RBM48: variants seen among roughly 807,000 people sequenced by gnomAD.
RBM48 encodes the protein RNA binding motif protein 48.
In RBM48, 32 loss-of-function variants were observed where a neutral mutation model predicts 34.8. That is an observed-to-expected ratio of 0.92 (90% confidence interval 0.69 to 1.23). RBM48 has a LOEUF of 1.23. Among genes scored for constraint, RBM48 ranks in the 50% most tolerant of loss-of-function variants. The pLI is 0.00. For synonymous variants in RBM48, 151 were observed against 156.2 expected, an observed-to-expected ratio of 0.97 and a Z score of 0.25; for missense variants, 441 against 447.2, an observed-to-expected ratio of 0.99 and a Z score of 0.12.
rs896919914 is a variant in RBM48, at chr7:92,540,013, A to G, written c.*3076A>G. On this transcript the variant is annotated 3_prime_UTR_variant, in exon 5 of 5. Coordinates refer to ENST00000265732, the MANE Select transcript of RBM48 (RefSeq NM_032120.4). ...CTGGATTTGGTTTGGGAAATACACC[A>G]TACTTACAGGAAACAGGAATTGTCT... 4.6e-5 allele frequency among the ~76,000 whole-genome samples: 7 copies of G among 152,254 alleles called. No homozygotes were observed. The highest frequency in any genetic ancestry group is 3.8e-4 in the East Asian group (2 of 5,208).
At chr7:92,536,781 C>A (rs1341148116) in intron 4 of RBM48, 70 bp from the exon 5 acceptor site, 4 of 1,493,074 alleles carry the variant, frequency 2.7e-6, no homozygotes, top group Admixed American at 2.7e-5. Flanking sequence ...AGTCTTACCT[C>A]TTCTAATAGC....
At position 92,538,488 on chromosome 7, in the gene RBM48, T is replaced by C. The variant is rs572122222; in HGVS notation, c.*1551T>C. ...CCTCTCTCCTCACACTGATCCAAATTAACTAGGATGGCTCCAAGTGGTAGA... is the reference window on the plus strand; with the variant it reads ...CCTCTCTCCTCACACTGATCCAAATCAACTAGGATGGCTCCAAGTGGTAGA... On this transcript the variant is annotated 3_prime_UTR_variant, in exon 5 of 5. Coordinates refer to ENST00000265732, the MANE Select transcript of RBM48 (RefSeq NM_032120.4). Among the ~76,000 whole-genome samples the C allele has an allele frequency of 4.6e-5, 7 of 152,270 alleles. 1 individual carries two copies. The South Asian group carries it at 1.5e-3, about 32-fold the overall frequency.
In RBM48 at chr7:92,534,642, A is replaced by G. The variant is rs1292621006; in HGVS notation, c.689A>G (p.Asn230Ser). ...CCAGACTCCTCTAAGGATGGTAGAAACCATCATAAAACAATGGGGCATTAT... is the reference window on the plus strand; with the variant it reads ...CCAGACTCCTCTAAGGATGGTAGAAGCCATCATAAAACAATGGGGCATTAT... ...RAPDSSKDGR[N>S]HHKTMGHYNH... The change falls in exon 4 of 5, where the codon AAC (asparagine) becomes AGC (serine). Residue 230 changes from asparagine (N) to serine (S), a missense_variant. By Grantham distance (46) the Asn-to-Ser change is conservative. Transcript: ENST00000265732. 6.2e-7 allele frequency: 1 copy of G among 1,614,192 alleles called. No individual in the cohort carries two copies. The highest frequency in any genetic ancestry group is 1.1e-5 in the South Asian group (1 of 91,082).
intron 2 of RBM48, among the ~76,000 whole-genome samples, chr7:92,530,430 G>A (rs1360264454): frequency 4.6e-5 from 7 of 151,666 alleles, no homozygotes; most frequent in Admixed American, 3.3e-4. Context: ...GGGAGGTGGA[G>A]ATTGCAGTGA....
At chr7:92,534,280 T>C in intron 3 of RBM48, 122 bp from the exon 4 acceptor site, 1 of 1,361,284 alleles carries the variant, frequency 7.3e-7, no homozygotes, top group Non-Finnish European at 1.0e-6. Context: ...AGAAATGATT[T>C]TTTTGGAGTA....
At position 92,534,977 on chromosome 7, in the gene RBM48, T is replaced by A; in HGVS notation, c.1017+7T>A. 1 of 1,613,834 alleles carries A rather than the reference T, an allele frequency of 6.2e-7. No homozygotes were observed. On this transcript the variant is annotated splice_region_variant and intron_variant, in intron 4 of 4. Coordinates refer to ENST00000265732, the MANE Select transcript of RBM48 (RefSeq NM_032120.4). ...TCGGCATAAACTTAAAGAGGTAAGG[T>A]TATTTTTAAAAAACTATTCTAAGAC...
rs1276694605 is a variant in RBM48 at position 92,534,885 on chromosome 7, C to T, written c.932C>T (p.Pro311Leu). The T allele has an allele frequency of 1.9e-6, 3 of 1,613,974 alleles. No individual in the cohort carries two copies. Among genetic ancestry groups the T allele is most frequent in the Non-Finnish European group, 2.5e-6 (3 of 1,179,980 alleles). ...ACTGGTAATGAGATTATGATTGGACCTCTGTTACCAGACATCTCTAAAGTG... is the reference window on the plus strand; with the variant it reads ...ACTGGTAATGAGATTATGATTGGACTTCTGTTACCAGACATCTCTAAAGTG... ...NPTGNEIMIGPLLPDISKVDM... is the reference protein window; with the variant it reads ...NPTGNEIMIGLLLPDISKVDM... Residue 311 changes from proline (P) to leucine (L), a missense_variant, in exon 4 of 5, where the codon CCT becomes CTT. Physicochemically the swap from Pro to Leu is moderately conservative, Grantham distance 98. Transcript: ENST00000265732.
chr7:92,534,346 A>G (rs760356495), intron 3 of RBM48, 56 bp from the exon 4 acceptor site: 9 of 1,537,986 alleles, frequency 5.9e-6, no homozygotes, highest in Non-Finnish European at 7.1e-6. Context: ...TGAATGATGA[A>G]AACAATAAAC....
chr7:92,538,419 ACT>A lies in RBM48; in HGVS notation c.*1484_*1485del, dbSNP rs1793777114. 1.3e-5 allele frequency among the ~76,000 whole-genome samples: 2 copies of A among 151,716 alleles called. No individual in the cohort carries two copies. The highest frequency in any genetic ancestry group is 2.9e-5 in the Non-Finnish European group (2 of 67,978). On this transcript the variant is annotated 3_prime_UTR_variant, in exon 5 of 5. Transcript: ENST00000265732. Reference sequence around the variant, plus strand: ...CCATTCCTGTTGTTTTTCAGCTTTTACTCCCTCCTCCTCTTCAGAGATGGGAG... The same window carrying A: ...CCATTCCTGTTGTTTTTCAGCTTTTACCCTCCTCCTCTTCAGAGATGGGAG...
intron 2 of RBM48, among the ~76,000 whole-genome samples, chr7:92,531,411 A>G (rs1793572985): frequency 6.6e-6 from 1 of 152,132 alleles, no homozygotes; most frequent in Admixed American, 6.5e-5. Flanking sequence ...ATCTATTTTT[A>G]TATTGATCTC....
chr7:92,533,399 C>T (rs537046551), intron 3 of RBM48, among the ~76,000 whole-genome samples: 1 of 152,216 alleles, frequency 6.6e-6, no homozygotes, highest in South Asian at 2.1e-4. Context: ...TGTGACCTGC[C>T]TATATTATTA....
rs1454702254 is a variant in RBM48 at position 92,528,859 on chromosome 7, G to T, written c.46G>T (p.Val16Phe). 1 of 1,614,120 alleles carries T rather than the reference G, an allele frequency of 6.2e-7. No homozygotes were observed. Among genetic ancestry groups the T allele is most frequent in the East Asian group, 2.2e-5 (1 of 44,878 alleles). The change falls in exon 1 of 5, where the codon GTC becomes TTC. Residue 16 changes from valine to phenylalanine, a missense_variant. Val to Phe is a conservative substitution (Grantham distance 50). Transcript: ENST00000265732. ...GELGSLFDHH[V>F]QRAVCDTRAK... The stretch of plus-strand genomic sequence containing the variant: ...GCTAGGGAGTTTATTTGATCACCAC[G>T]TCCAGAGGGCGGTATGCGACACACG...
Position 92,539,970 on chromosome 7 carries a change from TAAGC to T in RBM48, c.*3038_*3041del, listed in dbSNP as rs1429670882. Among the ~76,000 whole-genome samples, 1 of 152,254 alleles carries T rather than the reference TAAGC, an allele frequency of 6.6e-6. No homozygotes were observed. The highest frequency in any genetic ancestry group is 1.5e-5 in the Non-Finnish European group (1 of 68,046). ...AAACTCTATTCAGTGTTCTATCCCT[TAAGC>T]AAGCCAATATACCCTGGATTTGGTT... On this transcript the variant is annotated 3_prime_UTR_variant, in exon 5 of 5. Transcript: ENST00000265732.
chr7:92,528,871 G>C lies in RBM48; in HGVS notation c.58G>C (p.Val20Leu), dbSNP rs751744301. The C allele has an allele frequency of 6.2e-7, 1 of 1,613,990 alleles. No individual in the cohort carries two copies. Among genetic ancestry groups the C allele is most frequent in the Non-Finnish European group, 8.5e-7 (1 of 1,180,008 alleles). ...ATTTGATCACCACGTCCAGAGGGCG[G>C]TATGCGACACACGGGCCAAATATCG... ...SLFDHHVQRA[V>L]CDTRAKYREG... is the part of the protein sequence containing the mutation. Residue 20 changes from valine (V) to leucine (L), a missense_variant, in exon 1 of 5, where the codon GTA (valine) becomes CTA (leucine). Physicochemically the swap from Val to Leu is conservative, Grantham distance 32 (BLOSUM62 1). Coordinates refer to ENST00000265732, the MANE Select transcript of RBM48 (RefSeq NM_032120.4).
chr7:92,528,819 G>A lies in RBM48; in HGVS notation c.6G>A (p.Ala2=), dbSNP rs751771502. M[A]SSGGELGSLF... ...CGAGGATCAAAGTAGGCAAGATGGCGTCGAGCGGCGGGGAGCTAGGGAGTT... is the reference window on the plus strand; with the variant it reads ...CGAGGATCAAAGTAGGCAAGATGGCATCGAGCGGCGGGGAGCTAGGGAGTT... The change falls in exon 1 of 5, where the codon GCG becomes GCA. Residue 2 remains alanine, a synonymous_variant. Coordinates refer to ENST00000265732, the MANE Select transcript of RBM48 (RefSeq NM_032120.4). The A allele has an allele frequency of 6.2e-7, 1 of 1,613,834 alleles. No homozygotes were observed. The highest frequency in any genetic ancestry group is 8.5e-7 in the Non-Finnish European group (1 of 1,179,756).
At chr7:92,531,723 A>G (rs1364782971) in intron 2 of RBM48, among the ~76,000 whole-genome samples, 1 of 152,244 alleles carries the variant, frequency 6.6e-6, no homozygotes, top group Non-Finnish European at 1.5e-5. Context: ...GACTATGAGC[A>G]TGGCTAAGTT....
At position 92,534,793 on chromosome 7, in the gene RBM48, A is replaced by G; in HGVS notation, c.840A>G (p.Gln280=). The change falls in exon 4 of 5, where the codon CAA becomes CAG. Residue 280 remains glutamine (Q), a synonymous_variant. Transcript: ENST00000265732. ...ACAGATTTATGCCTAGGACAACACA[A>G]CTGCAGGAGCGCAAAAGAAGAAGAG... is the stretch of plus-strand genomic sequence containing the variant. ...AVDRFMPRTT[Q]LQERKRRRED... 4 of 1,614,192 alleles carry G rather than the reference A, an allele frequency of 2.5e-6. No individual in the cohort carries two copies. The highest frequency in any genetic ancestry group is 3.4e-6 in the Non-Finnish European group (4 of 1,180,024).
chr7:92,538,424 C>T lies in RBM48; in HGVS notation c.*1487C>T. Among the ~76,000 whole-genome samples, 1 of 151,872 alleles carries T rather than the reference C, an allele frequency of 6.6e-6. No homozygotes were observed. On this transcript the variant is annotated 3_prime_UTR_variant, in exon 5 of 5. Coordinates refer to ENST00000265732, the MANE Select transcript of RBM48 (RefSeq NM_032120.4). Reference sequence around the variant, plus strand: ...CCTGTTGTTTTTCAGCTTTTACTCCCTCCTCCTCTTCAGAGATGGGAGACA... The same window carrying T: ...CCTGTTGTTTTTCAGCTTTTACTCCTTCCTCCTCTTCAGAGATGGGAGACA...
At chr7:92,536,291 CA>C (rs778800427) in intron 4 of RBM48, 22 of 977,634 alleles carry the variant, frequency 2.3e-5, no homozygotes, top group Admixed American at 6.2e-5. Flanking sequence ...AATAGAACAA[CA>C]AAAAAAAGAT....
Sources: gnomAD v4.1 joint callset for allele counts (sites outside exome capture counted in the v4.1 genomes callset) on GRCh38, gnomAD v4.1.1 for gene constraint, MANE v1.5 for transcripts, NCBI Gene and HGNC (gene_info 2026-07-23, HGNC 2026-07-21) for gene names.